The following SLC25A14 variants were observed in gnomAD, a reference collection of about 807,000 sequenced individuals.
SLC25A14 encodes brain mitochondrial carrier protein 1.
In SLC25A14, 8 loss-of-function variants were observed where a neutral mutation model predicts 28.1. The ratio of observed to expected loss-of-function variants is 0.28; its 90% CI spans 0.17 to 0.51. SLC25A14 has a LOEUF of 0.51. Among genes scored for constraint, SLC25A14 ranks in the 20% least tolerant of loss-of-function variants. The probability of loss-of-function intolerance (pLI) is 0.97; values close to 1 mark genes in which losing one functional copy is unlikely to be tolerated. For missense variants in SLC25A14, 135 were observed against 263.8 expected (o/e 0.51, Z 3.38); for synonymous variants, 74 against 90.6 (o/e 0.82, Z 1.04).
At chrX:130,348,805 T>TAA (rs2033534567) in intron 4 of SLC25A14, among the ~76,000 whole-genome samples, 1 of 89,601 alleles carries the variant, frequency 1.1e-5, no homozygotes. Context: ...TTTTTTTTTT[T>TAA]AAAATGCAAG....
chrX:130,372,600 C>G (rs750272954), intron 10 of SLC25A14, among the ~76,000 whole-genome samples: 133 of 108,947 alleles, frequency 1.2e-3, no homozygotes, highest in African/African-American at 4.2e-3. Flanking sequence ...GTAGCTGGGA[C>G]TACAGGCACC....
chrX:130,340,299 A>T lies in SLC25A14; in HGVS notation c.21A>T (p.Ile7=). 8.3e-7 allele frequency: 1 copy of T among 1,210,728 alleles called. No individual in the cohort carries two copies. Among genetic ancestry groups the T allele is most frequent in the Non-Finnish European group, 1.1e-6 (1 of 894,765 alleles). ...GGTGAATGGGTATCTTTCCCGGAAT[A>T]ATCCTAATTTTTCTAAGGGTGAAGT... MGIFPG[I]ILIFLRVKFA... Residue 7 remains isoleucine, a synonymous_variant, in exon 2 of 11, where the codon ATA becomes ATT. Transcript: ENST00000545805.
At position 130,339,990 on chromosome X, in the gene SLC25A14, C is replaced by T; in HGVS notation, c.-173+14C>T. 1 of 926,017 alleles carries T rather than the reference C, an allele frequency of 1.1e-6. No individual in the cohort carries two copies. The highest frequency in any genetic ancestry group is 1.3e-6 in the Non-Finnish European group (1 of 748,032). 76.3% of individuals were successfully genotyped at this position (926,017 alleles called of 1,213,427 possible). On this transcript the variant is annotated intron_variant, in intron 1 of 10. Transcript: ENST00000545805. ...GAGCCCGAGCAGGTGAGGGGGAGCT[C>T]CTGGACTTCCAGGCTGGGGAGCGGG...
At chrX:130,344,262 C>CG (rs753953990) in intron 2 of SLC25A14, among the ~76,000 whole-genome samples, 1 of 111,804 alleles carries the variant, frequency 8.9e-6, no homozygotes, top group East Asian at 2.8e-4. Context: ...GCCCAACAAT[C>CG]TATGTTTTAA....
intron 9 of SLC25A14, 22 bp downstream of exon 9, chrX:130,365,698 G>C: frequency 1.6e-5 from 19 of 1,154,230 alleles, no homozygotes; most frequent in Non-Finnish European, 2.2e-5. Context: ...GTGGATTTGG[G>C]TTACAATTTG....
intron 6 of SLC25A14, among the ~76,000 whole-genome samples, chrX:130,358,140 A>T (rs1188999288): frequency 8.9e-6 from 1 of 112,087 alleles, no homozygotes; most frequent in Non-Finnish European, 1.9e-5. Context: ...TAAAAATGAT[A>T]TAGTACTTCG....
chrX:130,365,272 C>T, intron 8 of SLC25A14: 1 of 908,189 alleles, frequency 1.1e-6, no homozygotes, highest in Non-Finnish European at 1.4e-6. Context: ...ATACATGGTG[C>T]ATGATACTTT....
chrX:130,371,798 C>T (rs2034269029), intron 10 of SLC25A14, among the ~76,000 whole-genome samples, 154 bp downstream of exon 10: 1 of 111,918 alleles, frequency 8.9e-6, no homozygotes, highest in Non-Finnish European at 1.9e-5. Context: ...AAAGAAACAG[C>T]TTTCAGTTGG....
At chrX:130,362,510 T>G (rs1749707639) in intron 7 of SLC25A14, among the ~76,000 whole-genome samples, 2 of 111,419 alleles carry the variant, frequency 1.8e-5, no homozygotes, top group Non-Finnish European at 3.8e-5. Context: ...TGTGAAAATG[T>G]AAAAAGAAAT....
intron 6 of SLC25A14, 73 bp downstream of exon 6, chrX:130,350,804 C>T (rs184749242): frequency 1.9e-4 from 111 of 583,354 alleles, no homozygotes; most frequent in Non-Finnish European, 2.9e-4. Flanking sequence ...CCCACTCTGT[C>T]ACTTGCCAGC....
intron 1 of SLC25A14, 32 bp downstream of exon 1, chrX:130,340,008 G>A (rs2033192130): frequency 1.1e-6 from 1 of 945,543 alleles, no homozygotes; most frequent in African/African-American, 2.0e-5. Flanking sequence ...TCCAGGCTGG[G>A]GAGCGGGGCT....
At position 130,371,656 on chromosome X, in the gene SLC25A14, G is replaced by C; in HGVS notation, c.936+12G>C. On this transcript the variant is annotated intron_variant, in intron 10 of 10. Transcript: ENST00000545805. ...CCTGGAACATCATTGTATCCTTTGA[G>C]AGAATGAAAGCAAGTGCTTCAAGCT... The C allele has an allele frequency of 1.8e-6, 2 of 1,141,528 alleles. No homozygotes were observed. Among genetic ancestry groups the C allele is most frequent in the Non-Finnish European group, 2.4e-6 (2 of 832,819 alleles). The allele number at this position is 1,141,528 out of a possible 1,213,427, so 94.1% of individuals were successfully genotyped here.
intron 10 of SLC25A14, among the ~76,000 whole-genome samples, 167 bp from the exon 11 acceptor site, chrX:130,372,742 G>A (rs759861430): frequency 4.5e-5 from 5 of 111,418 alleles, no homozygotes; most frequent in Non-Finnish European, 7.5e-5. Context: ...GATTACAGGC[G>A]TGAGCCACCG....
chrX:130,340,724 C>T (rs1323378636), intron 2 of SLC25A14, among the ~76,000 whole-genome samples: 1 of 111,248 alleles, frequency 9.0e-6, no homozygotes, highest in East Asian at 2.8e-4. Flanking sequence ...GTCTGCTGTA[C>T]TTTGCACCAT....
chrX:130,364,151 C>T (rs1458280575), intron 7 of SLC25A14, among the ~76,000 whole-genome samples: 2 of 112,077 alleles, frequency 1.8e-5, no homozygotes, highest in Non-Finnish European at 3.8e-5. Flanking sequence ...TTTTCGTGTG[C>T]TTATTGGCCA....
intron 2 of SLC25A14, among the ~76,000 whole-genome samples, chrX:130,344,615 C>T (rs1010320020): frequency 9.0e-6 from 1 of 111,584 alleles, no homozygotes; most frequent in Non-Finnish European, 1.9e-5. Context: ...TTCCTTTGGG[C>T]GCTAGAAGGA....
rs768603532 is a variant in SLC25A14 at position 130,368,427 on chromosome X, C to G, written c.855+2751C>G. On this transcript the variant is annotated intron_variant, in intron 9 of 10. Coordinates refer to ENST00000545805, the MANE Select transcript of SLC25A14 (RefSeq NM_001282195.2). ...ACACACAAAAGAAAGAAATGTTTGT[C>G]TTATGTGCTAAGCACTGTTCTAGGT... Among the ~76,000 whole-genome samples the G allele has an allele frequency of 1.4e-4, 16 of 111,986 alleles. No homozygotes were observed. In the South Asian group the frequency reaches 5.3e-3, roughly 37 times the overall value.
At chrX:130,362,842 C>T (rs1055179255) in intron 7 of SLC25A14, among the ~76,000 whole-genome samples, 16 of 111,977 alleles carry the variant, frequency 1.4e-4, no homozygotes, top group Admixed American at 3.8e-4. Context: ...GACTTGTAAG[C>T]GAAGGACCAC....
chrX:130,359,878 A>G (rs978683738), intron 7 of SLC25A14, among the ~76,000 whole-genome samples: 3 of 110,947 alleles, frequency 2.7e-5, no homozygotes, highest in Non-Finnish European at 5.7e-5. Flanking sequence ...AGTAGGTTGC[A>G]GACATCATGG....
Sources: gnomAD v4.1 joint callset for allele counts (sites outside exome capture counted in the v4.1 genomes callset) on GRCh38, gnomAD v4.1.1 for gene constraint, MANE v1.5 for transcripts, NCBI Gene and HGNC (gene_info 2026-07-23, HGNC 2026-07-21) for gene names.